Variants in TNRC18 observed in about 807,000 individuals in gnomAD.
TNRC18 encodes trinucleotide repeat containing 18.
In TNRC18, 69 loss-of-function variants were observed where a neutral mutation model predicts 226.7. The observed-to-expected ratio is 0.30, with a 90% confidence interval of 0.25 to 0.37. TNRC18 has a LOEUF of 0.37. TNRC18 is among the 10% of genes least tolerant of loss of function. The probability of loss-of-function intolerance (pLI) is 1.00; values close to 1 mark genes in which losing one functional copy is unlikely to be tolerated. For missense variants in TNRC18, 4,754 were observed against 4,256.6 expected (o/e 1.12, Z -3.25); for synonymous variants, 2,449 against 1,927.6 (o/e 1.27, Z -7.09).
chr7:5,326,539 G>C (rs1256591362), intron 19 of TNRC18, among the ~76,000 whole-genome samples: 1 of 152,094 alleles, frequency 6.6e-6, no homozygotes, highest in Non-Finnish European at 1.5e-5. Flanking sequence ...TCAACCTCCT[G>C]GGCTCAAGCA....
At chr7:5,378,423 TA>T (rs1355400449) in intron 5 of TNRC18, among the ~76,000 whole-genome samples, 6 of 151,642 alleles carry the variant, frequency 4.0e-5, no homozygotes, top group South Asian at 2.1e-4. Context: ...TTTATTTATT[TA>T]TTTTTTTTTT....
rs774194410 is a variant in TNRC18, at chr7:5,388,058, A to T, written c.1766T>A (p.Ile589Lys). 6.4e-7 allele frequency: 1 copy of T among 1,559,806 alleles called. No individual in the cohort carries two copies. Among genetic ancestry groups the T allele is most frequent in the East Asian group, 2.4e-5 (1 of 41,718 alleles). The change falls in exon 5 of 30, where the codon ATA becomes AAA. Residue 589 changes from isoleucine (I) to lysine (K), a missense_variant. Ile to Lys is a moderately radical substitution (Grantham distance 102). Transcript: ENST00000430969. The part of the protein sequence containing the change: ...SGEASAMQSL[I>K]KYSGSFARDA... ...CCGGGCAAAGCTGCCACTGTACTTT[A>T]TAAGGCTCTGCATGGCCGAGGCCTC...
In TNRC18 at chr7:5,324,800, G is replaced by A. The variant is rs776766895; in HGVS notation, c.6300+296C>T. Among the ~76,000 whole-genome samples the A allele has an allele frequency of 2.0e-5, 3 of 152,180 alleles. No homozygotes were observed. Among genetic ancestry groups the A allele is most frequent in the Non-Finnish European group, 2.9e-5 (2 of 68,036 alleles). On this transcript the variant is annotated intron_variant, in intron 20 of 29. Coordinates refer to ENST00000430969, the MANE Select transcript of TNRC18 (RefSeq NM_001080495.3). The surrounding 1 kb of genome is among the most constrained non-coding windows in gnomAD (Gnocchi z 4.8). ...TCGGGCAGATTCACCCAAGCCTGAG[G>A]GCCCTGTGAGGACCTGGTGCTGGGC...
In TNRC18 at chr7:5,394,635, AG is replaced by A; in HGVS notation, c.188-41del. On this transcript the variant is annotated intron_variant, in intron 2 of 29. Coordinates refer to ENST00000430969, the MANE Select transcript of TNRC18 (RefSeq NM_001080495.3). This position sits in a 1 kb window ranked among gnomAD's most constrained non-coding sequence, Gnocchi z 4.5. ...TGGGAGGACCGTCAGGCAGACAACC[AG>A]GGAGGCGCCGCCGCCCCAGCCCACC... The A allele has an allele frequency of 6.6e-7, 1 of 1,506,344 alleles. No individual in the cohort carries two copies. Among genetic ancestry groups the A allele is most frequent in the Non-Finnish European group, 8.9e-7 (1 of 1,121,864 alleles). 93.3% of individuals were successfully genotyped at this position (1,506,344 alleles called of 1,614,324 possible). A position where few individuals can be genotyped will look rare whatever the true frequency, so the allele number is the denominator to read the frequency against.
At chr7:5,359,192 G>A (rs1439470138) in intron 15 of TNRC18, among the ~76,000 whole-genome samples, 2 of 152,110 alleles carry the variant, frequency 1.3e-5, no homozygotes, top group Non-Finnish European at 2.9e-5. Flanking sequence ...GTGTTACGTC[G>A]GTAGGTCTCT....
intron 5 of TNRC18, among the ~76,000 whole-genome samples, chr7:5,383,894 A>T (rs1007185183): frequency 1.3e-5 from 2 of 150,770 alleles, no homozygotes; most frequent in East Asian, 3.9e-4. Flanking sequence ...CTGGGCTCAA[A>T]CTATCCTCCC....
At chr7:5,311,195 T>G (rs1787168812) in intron 27 of TNRC18, among the ~76,000 whole-genome samples, 1 of 152,028 alleles carries the variant, frequency 6.6e-6, no homozygotes, top group Non-Finnish European at 1.5e-5. Context: ...CACACATATG[T>G]GCGTGTGTGT....
At chr7:5,364,352 G>A (rs1793387028) in intron 11 of TNRC18, among the ~76,000 whole-genome samples, 1 of 151,980 alleles carries the variant, frequency 6.6e-6, no homozygotes, top group Admixed American at 6.6e-5. Context: ...CAGCTACTCG[G>A]GAGGCTGAGG....
At position 5,415,541 on chromosome 7, in the gene TNRC18, C is replaced by A. The variant is rs189499613; in HGVS notation, c.187+5519G>T. Among the ~76,000 whole-genome samples the A allele has an allele frequency of 5.1e-3, 776 of 151,618 alleles. 2 individuals carry two copies. The highest frequency in any genetic ancestry group is 9.1e-3 in the Non-Finnish European group (616 of 67,884). ...TACAGGCACCCGCCACCACACCCAGCCAATTTTTTTTATATTTTCAGTAGA... is the reference window on the plus strand; with the variant it reads ...TACAGGCACCCGCCACCACACCCAGACAATTTTTTTTATATTTTCAGTAGA... On this transcript the variant is annotated intron_variant, in intron 2 of 29. Coordinates refer to ENST00000430969, the MANE Select transcript of TNRC18 (RefSeq NM_001080495.3).
intron 2 of TNRC18, chr7:5,420,578 G>A (rs1033174797): frequency 4.4e-6 from 2 of 450,764 alleles, no homozygotes; most frequent in East Asian, 7.0e-5. Context: ...CCCGGCGCTC[G>A]GTAACTGCCA....
rs765255506 is a variant in TNRC18, at chr7:5,309,082, C to G, written c.8625+50G>C. The stretch of plus-strand genomic sequence containing the variant: ...CACCCAGAACGCCTCGCCCTCAGGT[C>G]TGCCCTACACCGCCTAGGACTGGGG... On this transcript the variant is annotated intron_variant, in intron 28 of 29. Transcript: ENST00000430969. The surrounding 1 kb of genome is among the most constrained non-coding windows in gnomAD (Gnocchi z 5.7). 1.9e-6 allele frequency: 3 copies of G among 1,538,642 alleles called. No homozygotes were observed. The Admixed American group carries it at 5.8e-5, about 30-fold the overall frequency.
intron 21 of TNRC18, among the ~76,000 whole-genome samples, chr7:5,323,843 C>A (rs1019683797): frequency 1.2e-4 from 19 of 152,150 alleles, no homozygotes. Flanking sequence ...GCTGGGATTA[C>A]AGGCATGGGC....
At chr7:5,422,450 T>C (rs1357305781) in intron 1 of TNRC18, among the ~76,000 whole-genome samples, 8 of 151,848 alleles carry the variant, frequency 5.3e-5, no homozygotes, top group Non-Finnish European at 1.2e-4. Context: ...TAAAGCTGTT[T>C]GTTTAAAAGA....
chr7:5,377,114 G>A lies in TNRC18; in HGVS notation c.2462-121C>T. 1.4e-6 allele frequency: 2 copies of A among 1,400,692 alleles called. No homozygotes were observed. The highest frequency in any genetic ancestry group is 1.9e-6 in the Non-Finnish European group (2 of 1,041,454). 86.8% of individuals were successfully genotyped at this position (1,400,692 alleles called of 1,614,324 possible). Reference sequence around the variant, plus strand: ...ACCTCCTGGGGCCTCCAGTGGGGAAGCCAAGGGACAGGGGTGCTGGCTGGC... The same window carrying A: ...ACCTCCTGGGGCCTCCAGTGGGGAAACCAAGGGACAGGGGTGCTGGCTGGC... On this transcript the variant is annotated intron_variant, in intron 7 of 29. Coordinates refer to ENST00000430969, the MANE Select transcript of TNRC18 (RefSeq NM_001080495.3). The surrounding 1 kb of genome is among the most constrained non-coding windows in gnomAD (Gnocchi z 5.8).
intron 2 of TNRC18, among the ~76,000 whole-genome samples, chr7:5,411,308 C>T (rs1344128974): frequency 6.6e-6 from 1 of 151,296 alleles, no homozygotes; most frequent in Non-Finnish European, 1.5e-5. Context: ...GCATCATATT[C>T]CTGAAAAGTA....
At position 5,324,981 on chromosome 7, in the gene TNRC18, T is replaced by C. The variant is rs1474565464; in HGVS notation, c.6300+115A>G. 3 of 1,303,218 alleles carry C rather than the reference T, an allele frequency of 2.3e-6. No individual in the cohort carries two copies. The highest frequency in any genetic ancestry group is 2.6e-5 in the East Asian group (1 of 38,152). 80.7% of individuals were successfully genotyped at this position (1,303,218 alleles called of 1,614,324 possible). A position where few individuals can be genotyped will look rare whatever the true frequency, so the allele number is the denominator to read the frequency against. On this transcript the variant is annotated intron_variant, in intron 20 of 29. Coordinates refer to ENST00000430969, the MANE Select transcript of TNRC18 (RefSeq NM_001080495.3). This position sits in a 1 kb window ranked among gnomAD's most constrained non-coding sequence, Gnocchi z 4.8. ...TCACCCTCGTCACCCGCAACCTCTC[T>C]GAGCCACAGCTATAGGGAGGGTGAA... is the stretch of plus-strand genomic sequence containing the variant.
intron 5 of TNRC18, among the ~76,000 whole-genome samples, chr7:5,378,987 A>G (rs1279913411): frequency 1.3e-5 from 2 of 151,744 alleles, no homozygotes; most frequent in African/African-American, 4.8e-5. Flanking sequence ...TGAGGTCAGG[A>G]GTTCGAGACC....
At chr7:5,367,565 T>G (rs1301621636) in intron 11 of TNRC18, among the ~76,000 whole-genome samples, 33 of 150,982 alleles carry the variant, frequency 2.2e-4, no homozygotes, top group African/African-American at 7.8e-4. Flanking sequence ...GTAGCTGGGA[T>G]TACAGGTGCC....
chr7:5,323,748 A>T (rs112001972), intron 21 of TNRC18, among the ~76,000 whole-genome samples: 6,824 of 151,904 alleles, frequency 0.045, 234 homozygotes, highest in Non-Finnish European at 0.074. Context: ...TTGTATTTTC[A>T]GTAGAATCAG....
Sources: allele counts gnomAD v4.1 joint callset (sites outside exome capture counted in the v4.1 genomes callset), GRCh38; gene constraint gnomAD v4.1.1; non-coding constraint Gnocchi (gnomAD v3.1); transcripts MANE v1.5; gene names NCBI Gene and HGNC (gene_info 2026-07-23, HGNC 2026-07-21).